Variants in RBPJ observed in about 807,000 individuals in gnomAD.
RBPJ encodes the protein recombination signal binding protein for immunoglobulin kappa J region.
Under a neutral mutation model 67.8 loss-of-function variants are expected in RBPJ, and 9 were observed. The observed-to-expected ratio is 0.13, with a 90% CI of 0.08 to 0.23. RBPJ has a LOEUF of 0.23. Ranked by LOEUF, RBPJ falls within the 10% of genes least tolerant of loss-of-function variation. RBPJ has a pLI of 1.00. For missense variants in RBPJ, 305 were observed against 595.6 expected (o/e 0.51, Z 5.08); for synonymous variants, 198 against 203.3 (o/e 0.97, Z 0.22).
chr4:26,364,684 T>C (rs1435441135), intron 1 of RBPJ, among the ~76,000 whole-genome samples: 7 of 150,676 alleles, frequency 4.6e-5, no homozygotes, highest in African/African-American at 7.3e-5. Context: ...TGGAGTGCAA[T>C]TGTGTGATCT....
chr4:26,286,052 T>TG (rs1001634817), intron 1 of RBPJ, among the ~76,000 whole-genome samples: 1 of 152,186 alleles, frequency 6.6e-6, no homozygotes, highest in African/African-American at 2.4e-5. Context: ...CAGTGCGCTA[T>TG]GATCGTGCCG....
intron 1 of RBPJ, among the ~76,000 whole-genome samples, chr4:26,267,715 C>T (rs1484810227): frequency 6.6e-6 from 1 of 152,140 alleles, no homozygotes; most frequent in Non-Finnish European, 1.5e-5. Flanking sequence ...TCAAGCAATT[C>T]TCCTGCCCCA....
chr4:26,215,318 AAAG>A (rs1279619188), intron 1 of RBPJ, among the ~76,000 whole-genome samples: 1 of 90,362 alleles, frequency 1.1e-5, no homozygotes, highest in Non-Finnish European at 2.2e-5. Flanking sequence ...AAAGAGAAAG[AAAG>A]AAAGAAAAAG....
intron 1 of RBPJ, among the ~76,000 whole-genome samples, chr4:26,202,936 A>G (rs1436183809): frequency 6.7e-6 from 1 of 148,240 alleles, no homozygotes; most frequent in Non-Finnish European, 1.5e-5. Context: ...AAAGAGAGAA[A>G]GAGAGAAAGG....
intron 1 of RBPJ, among the ~76,000 whole-genome samples, chr4:26,188,205 T>TCA (rs1032051726): frequency 1.3e-4 from 19 of 151,216 alleles, no homozygotes; most frequent in African/African-American, 4.1e-4. Flanking sequence ...CAAGACTCTG[T>TCA]CACACACACA....
intron 1 of RBPJ, among the ~76,000 whole-genome samples, chr4:26,185,492 A>G (rs989229635): frequency 6.6e-5 from 10 of 152,204 alleles, no homozygotes; most frequent in Non-Finnish European, 1.2e-4. Flanking sequence ...ACGAGGTTGT[A>G]TGGAGAAGGC....
At chr4:26,149,028 T>A in the RBPJ span, among the ~76,000 whole-genome samples, 1 of 152,132 alleles carries the variant, frequency 6.6e-6, no homozygotes, top group South Asian at 2.1e-4. Context: ...CCCCACAACA[T>A]GGAAACATGA....
intron 1 of RBPJ, among the ~76,000 whole-genome samples, chr4:26,369,875 TTC>T (rs1313468692): frequency 6.6e-6 from 1 of 152,180 alleles, no homozygotes; most frequent in Non-Finnish European, 1.5e-5. Context: ...ACCAGCCCCT[TTC>T]TCTCTCTTCT....
At position 26,255,171 on chromosome 4, in the gene RBPJ, A is replaced by G. The variant is rs917688837; in HGVS notation, c.-167+91557A>G. ...TGTAATCCCAGCACTTTGGGAGGCC[A>G]AGGCGGGTGGATCACGAGGTCAGGA... On this transcript the variant is annotated intron_variant, in intron 1 of 4. Transcript: ENST00000512351. 1.4e-3 allele frequency among the ~76,000 whole-genome samples: 203 copies of G among 145,528 alleles called. 2 individuals are homozygous for G. The highest frequency in any genetic ancestry group is 2.6e-3 in the African/African-American group (99 of 38,806).
At chr4:26,352,690 G>GAA in intron 1 of RBPJ, among the ~76,000 whole-genome samples, 1 of 152,208 alleles carries the variant, frequency 6.6e-6, no homozygotes, top group Non-Finnish European at 1.5e-5. Context: ...GCCACAGAGT[G>GAA]AAACTCTGTC....
chr4:26,150,719 A>G, the RBPJ span, among the ~76,000 whole-genome samples: 2 of 152,216 alleles, frequency 1.3e-5, no homozygotes, highest in African/African-American at 4.8e-5. Flanking sequence ...ACAATGGGCC[A>G]AGGACAGTGA....
intron 1 of RBPJ, among the ~76,000 whole-genome samples, chr4:26,305,958 A>G (rs1270004940): frequency 6.7e-6 from 1 of 149,706 alleles, no homozygotes; most frequent in South Asian, 2.1e-4. Context: ...TTTTTTTTTA[A>G]TATTTTTAGT....
At chr4:26,380,227 A>G (rs1250469027) in intron 1 of RBPJ, among the ~76,000 whole-genome samples, 5 of 152,202 alleles carry the variant, frequency 3.3e-5, no homozygotes, top group African/African-American at 1.2e-4. Flanking sequence ...AATAGGTACA[A>G]TATTTAAGTA....
At chr4:26,133,920 T>A in the RBPJ span, among the ~76,000 whole-genome samples, 1 of 152,098 alleles carries the variant, frequency 6.6e-6, no homozygotes, top group Non-Finnish European at 1.5e-5. Flanking sequence ...GCTTTAAAGA[T>A]GAAGGAAGGA....
At chr4:26,121,286 T>G in the RBPJ span, among the ~76,000 whole-genome samples, 1 of 152,082 alleles carries the variant, frequency 6.6e-6, no homozygotes, top group Non-Finnish European at 1.5e-5. Context: ...AAAAATTATC[T>G]CTATTCAAGT....
intron 1 of RBPJ, among the ~76,000 whole-genome samples, chr4:26,221,382 G>T (rs1718905605): frequency 6.6e-6 from 1 of 152,192 alleles, no homozygotes; most frequent in African/African-American, 2.4e-5. Context: ...GAGCCACCGT[G>T]CCCGGCCTTA....
the RBPJ span, among the ~76,000 whole-genome samples, chr4:26,109,517 C>T: frequency 1.9e-5 from 2 of 106,434 alleles, no homozygotes; most frequent in African/African-American, 6.7e-5. Flanking sequence ...TATATATACA[C>T]ACACACATAT....
At chr4:26,377,664 C>T (rs1729891408) in intron 1 of RBPJ, among the ~76,000 whole-genome samples, 1 of 152,198 alleles carries the variant, frequency 6.6e-6, no homozygotes, top group African/African-American at 2.4e-5. Flanking sequence ...TTGTTTGAGT[C>T]AGGCATATAT....
chr4:26,394,026 ATTT>A (rs5856942), intron 2 of RBPJ, among the ~76,000 whole-genome samples: 10 of 131,830 alleles, frequency 7.6e-5, no homozygotes, highest in Admixed American at 1.6e-4. Context: ...CTATGGATTC[ATTT>A]TTTTTTTTTT....
Sources: allele counts gnomAD v4.1 joint callset (sites outside exome capture counted in the v4.1 genomes callset), GRCh38; gene constraint gnomAD v4.1.1; transcripts MANE v1.5; gene names NCBI Gene and HGNC (gene_info 2026-07-23, HGNC 2026-07-21).